The following CSTPP1 variants were observed in gnomAD, a reference collection of about 807,000 sequenced individuals.
CSTPP1 encodes the protein UPF0705 protein C11orf49.
At chr11:47,117,141 G>A in the CSTPP1 span, among the ~76,000 whole-genome samples, 2 of 152,186 alleles carry the variant, frequency 1.3e-5, no homozygotes, top group Non-Finnish European at 2.9e-5. Flanking sequence ...TACATTTAAG[G>A]TTAATATTTT....
the CSTPP1 span, among the ~76,000 whole-genome samples, chr11:46,974,989 A>G: frequency 6.6e-6 from 1 of 151,582 alleles, no homozygotes; most frequent in Non-Finnish European, 1.5e-5. Context: ...ATATTAAAAT[A>G]AAGAAAAAAA....
At chr11:47,142,817 A>C in the CSTPP1 span, among the ~76,000 whole-genome samples, 8 of 152,176 alleles carry the variant, frequency 5.3e-5, no homozygotes, top group African/African-American at 9.7e-5. Flanking sequence ...CCAAGGTAGA[A>C]TTGTACAGTT....
At chr11:47,086,557 G>A in the CSTPP1 span, among the ~76,000 whole-genome samples, 1 of 152,040 alleles carries the variant, frequency 6.6e-6, no homozygotes, top group African/African-American at 2.4e-5. Context: ...AAAGGGGAAG[G>A]GAAGGGACAG....
the CSTPP1 span, among the ~76,000 whole-genome samples, chr11:47,038,458 A>AC: frequency 6.7e-5 from 5 of 74,162 alleles, 1 homozygote; most frequent in Admixed American, 5.8e-4. Flanking sequence ...CGGGGGGCTG[A>AC]CCCCCCCACC....
At chr11:47,101,202 G>GTTTTTTTTTTTT in the CSTPP1 span, among the ~76,000 whole-genome samples, 6 of 32,956 alleles carry the variant, frequency 1.8e-4, no homozygotes, top group South Asian at 7.7e-4. Context: ...TTTATTTTTA[G>GTTTTTTTTTTTT]TAGAGATGGG....
At chr11:47,019,910 T>C in the CSTPP1 span, among the ~76,000 whole-genome samples, 4 of 152,180 alleles carry the variant, frequency 2.6e-5, no homozygotes. Flanking sequence ...AAACAAGGTA[T>C]GCCTGTAAAT....
the CSTPP1 span, among the ~76,000 whole-genome samples, chr11:47,136,462 C>G: frequency 6.6e-6 from 1 of 152,150 alleles, no homozygotes; most frequent in African/African-American, 2.4e-5. Flanking sequence ...GTGTTTCTGA[C>G]TTTGGCAGTG....
the CSTPP1 span, among the ~76,000 whole-genome samples, chr11:47,056,939 T>G: frequency 6.6e-6 from 1 of 152,170 alleles, no homozygotes; most frequent in Non-Finnish European, 1.5e-5. Context: ...AAGTAACTCT[T>G]CTGGGAGGTA....
the CSTPP1 span, among the ~76,000 whole-genome samples, chr11:47,143,812 G>A: frequency 6.6e-6 from 1 of 152,204 alleles, no homozygotes. Context: ...CTTGAGAAAG[G>A]TATTTAATTT....
At chr11:47,112,452 G>C in the CSTPP1 span, among the ~76,000 whole-genome samples, 3 of 152,190 alleles carry the variant, frequency 2.0e-5, no homozygotes, top group East Asian at 5.8e-4. Flanking sequence ...CTCCTGAGTA[G>C]CTGGGATTAC....
At chr11:47,127,501 G>A in the CSTPP1 span, among the ~76,000 whole-genome samples, 6 of 152,076 alleles carry the variant, frequency 3.9e-5, no homozygotes, top group African/African-American at 2.4e-5. Flanking sequence ...AAATAAGATC[G>A]TTTCAGCCAC....
At chr11:47,052,299 C>A in the CSTPP1 span, 1 of 1,469,206 alleles carries the variant, frequency 6.8e-7, no homozygotes, top group Non-Finnish European at 9.1e-7. Context: ...CCGTTTTTGG[C>A]AGTGGTTCTC....
At chr11:46,971,279 T>A in the CSTPP1 span, among the ~76,000 whole-genome samples, 1 of 152,346 alleles carries the variant, frequency 6.6e-6, no homozygotes, top group Admixed American at 6.5e-5. Flanking sequence ...AATATTCACA[T>A]TTACCAATAA....
the CSTPP1 span, among the ~76,000 whole-genome samples, chr11:47,037,943 T>TC: frequency 8.0e-6 from 1 of 125,718 alleles, no homozygotes; most frequent in Non-Finnish European, 1.9e-5. Context: ...GAGGGGCTCC[T>TC]CACTTCCCAG....
At chr11:47,139,694 T>C in the CSTPP1 span, among the ~76,000 whole-genome samples, 1 of 147,222 alleles carries the variant, frequency 6.8e-6, no homozygotes, top group African/African-American at 2.5e-5. Flanking sequence ...AAAGGGAGCA[T>C]GAAAGTGATG....
chr11:46,959,844 C>A, the CSTPP1 span, among the ~76,000 whole-genome samples: 1 of 151,016 alleles, frequency 6.6e-6, no homozygotes, highest in African/African-American at 2.4e-5. Context: ...CTTAGCACAC[C>A]AATTCAGTGG....
the CSTPP1 span, among the ~76,000 whole-genome samples, chr11:47,090,568 C>G: frequency 6.6e-6 from 1 of 152,106 alleles, no homozygotes; most frequent in African/African-American, 2.4e-5. Flanking sequence ...ATGCCGTGTA[C>G]TGATTCAGCA....
the CSTPP1 span, among the ~76,000 whole-genome samples, chr11:46,974,579 A>T: frequency 2.8e-5 from 4 of 144,230 alleles, no homozygotes; most frequent in Non-Finnish European, 4.6e-5. Flanking sequence ...GGTGACTAAC[A>T]CCTGTAATCC....
chr11:47,125,281 C>T, the CSTPP1 span, among the ~76,000 whole-genome samples: 1 of 152,004 alleles, frequency 6.6e-6, no homozygotes, highest in Non-Finnish European at 1.5e-5. Flanking sequence ...GATAGGTAGC[C>T]GTAAATCCAT....
Sources: gnomAD v4.1 joint callset for allele counts (sites outside exome capture counted in the v4.1 genomes callset) on GRCh38, gnomAD v4.1.1 for gene constraint, MANE v1.5 for transcripts, NCBI Gene and HGNC (gene_info 2026-07-23, HGNC 2026-07-21) for gene names.